The following CCNB3 variants were observed in gnomAD, a reference collection of about 807,000 sequenced individuals.
CCNB3 encodes the protein cyclin B3, also known as G2/mitotic-specific cyclin-B3.
CCNB3 carries 12 observed loss-of-function variants against 68.0 expected under a neutral mutation model. The ratio of observed to expected loss-of-function variants is 0.18; its 90% CI spans 0.11 to 0.29. The LOEUF is 0.29. Ranked by LOEUF, CCNB3 falls within the 10% of genes least tolerant of loss-of-function variation. CCNB3 has a pLI of 1.00. For missense variants in CCNB3, 904 were observed against 993.1 expected, an observed-to-expected ratio of 0.91 and a Z score of 1.21; for synonymous variants, 354 against 388.9, an observed-to-expected ratio of 0.91 and a Z score of 1.06.
Position 50,346,747 on chromosome X carries a change from C to T in CCNB3, c.3750C>T (p.Asn1250=), listed in dbSNP as rs782375206. The part of the protein sequence containing the change: ...EVLSMEINIL[N]VLKCDINIPI... ...TCAGCATGGAAATCAACATCCTGAA[C>T]GTCCTCAAATGTGACATTAACATTC... Residue 1250 remains asparagine (N), a synonymous_variant, in exon 10 of 13, where the codon AAC becomes AAT. Coordinates refer to ENST00000376042, the MANE Select transcript of CCNB3 (RefSeq NM_033031.3). 9.0e-5 allele frequency: 109 copies of T among 1,209,615 alleles called. No individual in the cohort carries two copies. Among genetic ancestry groups the T allele is most frequent in the Non-Finnish European group, 1.2e-4 (104 of 894,848 alleles).
chrX:50,323,581 A>G (rs1557216883), intron 8 of CCNB3, among the ~76,000 whole-genome samples: 1 of 112,581 alleles, frequency 8.9e-6, no homozygotes, highest in East Asian at 2.8e-4. Flanking sequence ...AAAATTTATT[A>G]CTAGTATATT....
At chrX:50,300,628 C>T (rs1409963858) in intron 5 of CCNB3, among the ~76,000 whole-genome samples, 1 of 111,044 alleles carries the variant, frequency 9.0e-6, no homozygotes, top group Non-Finnish European at 1.9e-5. Flanking sequence ...TTGCTCTTCT[C>T]GAGGAGTATC....
Position 50,348,268 on chromosome X carries a change from C to G in CCNB3, c.3960+493C>G, listed in dbSNP as rs185105465. ...ATAGTGTTCTTCTCTGAAGAAGGCT[C>G]TCAAAGCCTCCTGCTCCAATACAAA... On this transcript the variant is annotated intron_variant, in intron 11 of 12. Transcript: ENST00000376042. Among the ~76,000 whole-genome samples the G allele has an allele frequency of 5.3e-5, 6 of 112,197 alleles. 1 individual carries two copies. Among genetic ancestry groups the G allele is most frequent in the African/African-American group, 1.9e-4 (6 of 30,866 alleles).
intron 8 of CCNB3, among the ~76,000 whole-genome samples, chrX:50,324,984 T>A (rs1922223955): frequency 9.0e-6 from 1 of 111,385 alleles, no homozygotes; most frequent in African/African-American, 3.3e-5. Flanking sequence ...GTGACCTGAA[T>A]GATAATTTCT....
chrX:50,344,023 G>A (rs191638785), intron 9 of CCNB3, among the ~76,000 whole-genome samples: 33 of 112,337 alleles, frequency 2.9e-4, no homozygotes, highest in African/African-American at 1.0e-3. Context: ...CTCCATTCAT[G>A]TTAAGTGCCC....
At chrX:50,217,687 T>C (rs1270055070) in intron 1 of CCNB3, among the ~76,000 whole-genome samples, 5 of 112,151 alleles carry the variant, frequency 4.5e-5, no homozygotes, top group African/African-American at 1.6e-4. Flanking sequence ...CTGCACAGTT[T>C]CTGATGAGAA....
Position 50,310,110 on chromosome X carries a change from C to T in CCNB3, c.1941C>T (p.Thr647=). Residue 647 remains threonine (T), a synonymous_variant, in exon 6 of 13, where the codon ACC becomes ACT. Transcript: ENST00000376042. ...CATCTGCATTGAAAGAGAAGCATAC[C>T]ACCTTGCAGGAAGTGTCCCTCTCAA... ...QEPSALKEKH[T]TLQEVSLSKE... 8.3e-7 allele frequency: 1 copy of T among 1,211,083 alleles called. No homozygotes were observed. The highest frequency in any genetic ancestry group is 1.7e-5 in the African/African-American group (1 of 57,793).
intron 1 of CCNB3, among the ~76,000 whole-genome samples, chrX:50,279,229 AAT>A (rs1936023939): frequency 1.6e-5 from 1 of 61,154 alleles, no homozygotes; most frequent in African/African-American, 8.9e-5. Flanking sequence ...TTCATATATA[AAT>A]ATATATGAAT....
At chrX:50,228,057 A>G (rs1184727283) in intron 1 of CCNB3, among the ~76,000 whole-genome samples, 1 of 87,925 alleles carries the variant, frequency 1.1e-5, no homozygotes, top group Admixed American at 1.5e-4. Context: ...ATATAAATAT[A>G]TGGAGAGAAT....
At chrX:50,226,487 A>T (rs1384828437) in intron 1 of CCNB3, among the ~76,000 whole-genome samples, 1 of 72,929 alleles carries the variant, frequency 1.4e-5, no homozygotes, top group African/African-American at 5.5e-5. Context: ...AAATATATAT[A>T]GAATATATAA....
intron 8 of CCNB3, among the ~76,000 whole-genome samples, chrX:50,322,202 T>A (rs1386764031): frequency 4.6e-5 from 5 of 109,836 alleles, no homozygotes; most frequent in Admixed American, 3.9e-4. Context: ...CAAAACAGCA[T>A]GGTACTGGTA....
At chrX:50,298,740 C>T (rs1294341921) in intron 5 of CCNB3, among the ~76,000 whole-genome samples, 11 of 111,133 alleles carry the variant, frequency 9.9e-5, no homozygotes, top group East Asian at 5.7e-4. Context: ...TGGTAGAATT[C>T]GGCTGTGAAT....
intron 1 of CCNB3, among the ~76,000 whole-genome samples, chrX:50,223,958 C>T (rs931534241): frequency 3.6e-5 from 4 of 111,843 alleles, no homozygotes; most frequent in African/African-American, 1.3e-4. Context: ...TTCAGAGATG[C>T]CCTGTCCAGA....
rs1311621466 is a variant in CCNB3 at position 50,322,641 on chromosome X, T to G, written c.3516+8693T>G. ...ACCATCAGAGTGAACAGGAAACCTATAGAATGGGAGAAAATTTTTGCAATC... is the reference window on the plus strand; with the variant it reads ...ACCATCAGAGTGAACAGGAAACCTAGAGAATGGGAGAAAATTTTTGCAATC... On this transcript the variant is annotated intron_variant, in intron 8 of 12. Transcript: ENST00000376042. Among the ~76,000 whole-genome samples the G allele has an allele frequency of 3.6e-5, 4 of 111,699 alleles. No individual in the cohort carries two copies. The East Asian group carries it at 8.4e-4, about 24-fold the overall frequency.
chrX:50,222,865 A>T (rs1435517971), intron 1 of CCNB3, among the ~76,000 whole-genome samples: 2 of 111,451 alleles, frequency 1.8e-5, no homozygotes, highest in Non-Finnish European at 3.8e-5. Flanking sequence ...AGTGTTTTCC[A>T]TCTTGGTTCC....
chrX:50,304,727 A>G (rs1169518504), intron 5 of CCNB3, among the ~76,000 whole-genome samples: 1 of 111,564 alleles, frequency 9.0e-6, no homozygotes, highest in Non-Finnish European at 1.9e-5. Context: ...AACCTAGAGA[A>G]TGGGAGAAAA....
At position 50,294,899 on chromosome X, in the gene CCNB3, G is replaced by A. The variant is rs782576907; in HGVS notation, c.241G>A (p.Ala81Thr). The A allele has an allele frequency of 8.3e-7, 1 of 1,209,063 alleles. No homozygotes were observed. Among genetic ancestry groups the A allele is most frequent in the Non-Finnish European group, 1.1e-6 (1 of 894,099 alleles). Residue 81 changes from alanine (A) to threonine (T), a missense_variant, in exon 5 of 13, where the codon GCC becomes ACC. Around this residue, in one of 2 missense-constraint regions of CCNB3, gnomAD observed 619 missense variants for 609.8 expected, o/e 1.02. Transcript: ENST00000376042. ...TCAACCTGTCCAGCCCAAGAAAGAA[G>A]CCAATAAAGAGTTTGTAAAAGTTGT... ...QCQPVQPKKE[A>T]NKEFVKVVSK... is the part of the protein sequence containing the mutation.
chrX:50,341,452 A>T (rs1923136826), intron 8 of CCNB3, among the ~76,000 whole-genome samples: 1 of 109,867 alleles, frequency 9.1e-6, no homozygotes, highest in Admixed American at 9.7e-5. Context: ...AAGGAACTGG[A>T]AAAGCAAGAA....
chrX:50,288,062 T>C (rs1211385359), intron 3 of CCNB3, among the ~76,000 whole-genome samples: 2 of 107,482 alleles, frequency 1.9e-5, no homozygotes, highest in Admixed American at 1.0e-4. Context: ...GATGGGACTA[T>C]CTAGTTGCAG....
Sources: allele counts gnomAD v4.1 joint callset (sites outside exome capture counted in the v4.1 genomes callset), GRCh38; gene constraint gnomAD v4.1.1; regional missense constraint gnomAD v4.1.1; transcripts MANE v1.5; gene names NCBI Gene and HGNC (gene_info 2026-07-23, HGNC 2026-07-21).